The following DENND1A variants were observed in gnomAD, a reference collection of about 807,000 sequenced individuals.
DENND1A encodes DENN domain containing 1A, also known as DENN domain-containing protein 1A.
In DENND1A, 51 loss-of-function variants were observed where a neutral mutation model predicts 113.7. That is an observed-to-expected ratio of 0.45 (90% CI 0.36 to 0.57). The LOEUF is 0.57. DENND1A is among the 20% of genes least tolerant of loss of function. DENND1A has a pLI of 0.00. For missense variants in DENND1A, 1,258 were observed against 1,395.9 expected, an observed-to-expected ratio of 0.90 and a Z score of 1.57; for synonymous variants, 565 against 570.8, an observed-to-expected ratio of 0.99 and a Z score of 0.14.
At chr9:123,821,005 A>G (rs778589635) in intron 2 of DENND1A, among the ~76,000 whole-genome samples, 4 of 152,232 alleles carry the variant, frequency 2.6e-5, no homozygotes, top group Non-Finnish European at 4.4e-5. Context: ...ATTTTAGAAC[A>G]GTTTGAATAG....
chr9:123,520,059 C>T (rs2054262292), intron 13 of DENND1A, among the ~76,000 whole-genome samples: 1 of 143,844 alleles, frequency 7.0e-6, no homozygotes, highest in Non-Finnish European at 1.5e-5. Context: ...ACATGGGAGG[C>T]AGAGGCAGGA....
chr9:123,465,064 C>T (rs1334423400), intron 13 of DENND1A, among the ~76,000 whole-genome samples: 2 of 149,982 alleles, frequency 1.3e-5, no homozygotes, highest in Non-Finnish European at 3.0e-5. Context: ...AGCTACTCAG[C>T]CAGCTACTCG....
intron 2 of DENND1A, among the ~76,000 whole-genome samples, chr9:123,805,351 A>T (rs553208835): frequency 1.3e-5 from 2 of 152,216 alleles, no homozygotes; most frequent in East Asian, 3.9e-4. Flanking sequence ...ACATAATGAG[A>T]TATCTTGAGG....
At chr9:123,665,142 A>G (rs910265444) in intron 8 of DENND1A, among the ~76,000 whole-genome samples, 14 of 152,218 alleles carry the variant, frequency 9.2e-5, no homozygotes, top group African/African-American at 3.4e-4. Flanking sequence ...CTCAAAGTAT[A>G]GCATGTTATG....
intron 11 of DENND1A, among the ~76,000 whole-genome samples, chr9:123,595,951 T>C (rs757773112): frequency 4.6e-5 from 7 of 152,208 alleles, no homozygotes; most frequent in Non-Finnish European, 1.0e-4. Flanking sequence ...ACTCTGACTC[T>C]GCTGGTGTTT....
At chr9:123,778,337 TACAG>T (rs1564251824) in intron 3 of DENND1A, among the ~76,000 whole-genome samples, 15 of 152,350 alleles carry the variant, frequency 9.8e-5, no homozygotes, top group Non-Finnish European at 2.2e-4. Context: ...TGAAACATCA[TACAG>T]TACAGAAGTT....
chr9:123,726,368 G>C (rs2067706579), intron 5 of DENND1A, among the ~76,000 whole-genome samples: 1 of 152,172 alleles, frequency 6.6e-6, no homozygotes, highest in Admixed American at 6.5e-5. Flanking sequence ...TTGAATCCAA[G>C]CCTGACTATG....
At chr9:123,594,212 A>T (rs1276102635) in intron 11 of DENND1A, among the ~76,000 whole-genome samples, 1 of 152,236 alleles carries the variant, frequency 6.6e-6, no homozygotes, top group African/African-American at 2.4e-5. Context: ...CCAATGTTAC[A>T]GAGGCCTGTG....
At chr9:123,794,453 T>C (rs187981098) in intron 2 of DENND1A, among the ~76,000 whole-genome samples, 19 of 152,340 alleles carry the variant, frequency 1.2e-4, no homozygotes, top group Admixed American at 1.2e-3. Context: ...ATTCTTTTTC[T>C]TCCAATTGAC....
chr9:123,555,915 T>A (rs549481888), intron 13 of DENND1A, among the ~76,000 whole-genome samples: 44 of 152,288 alleles, frequency 2.9e-4, no homozygotes, highest in Middle Eastern at 3.4e-3. Flanking sequence ...ATACTTCAAG[T>A]CTGTCCATTC....
chr9:123,893,687 C>G lies in DENND1A; in HGVS notation c.18-14666G>C, dbSNP rs573027363. On this transcript the variant is annotated intron_variant, in intron 1 of 23. Coordinates refer to ENST00000394215, the MANE Select transcript of DENND1A (RefSeq NM_001352964.2). The stretch of plus-strand genomic sequence containing the variant: ...TGTGAGGGAGGGAGGATCTACAGCA[C>G]TTTACAAAAGTAAGAATCTTCTAGA... 8.5e-5 allele frequency among the ~76,000 whole-genome samples: 13 copies of G among 152,334 alleles called. No homozygotes were observed. In the East Asian group the frequency reaches 2.3e-3, roughly 27 times the overall value.
At chr9:123,403,241 A>G (rs891221107) in intron 21 of DENND1A, among the ~76,000 whole-genome samples, 161 bp downstream of exon 21, 1 of 152,336 alleles carries the variant, frequency 6.6e-6, no homozygotes, top group Non-Finnish European at 1.5e-5. Flanking sequence ...AGACCGAGTA[A>G]AAGATCAAGT....
chr9:123,469,985 A>G (rs939920572), intron 13 of DENND1A, among the ~76,000 whole-genome samples: 5 of 152,194 alleles, frequency 3.3e-5, no homozygotes, highest in Admixed American at 6.5e-5. Context: ...ATTGTATTTG[A>G]CATATCAATG....
intron 9 of DENND1A, among the ~76,000 whole-genome samples, chr9:123,631,205 G>C (rs114455074): frequency 0.014 from 2,060 of 152,188 alleles, 36 homozygotes; most frequent in African/African-American, 0.046. Flanking sequence ...CATACACCAC[G>C]ATTCTGGCCT....
intron 5 of DENND1A, among the ~76,000 whole-genome samples, chr9:123,682,222 T>C (rs1363211264): frequency 1.3e-5 from 2 of 152,144 alleles, no homozygotes; most frequent in African/African-American, 4.8e-5. Context: ...AAAAGAGAAA[T>C]AAAAATAAAA....
At chr9:123,536,884 G>T (rs1307645118) in intron 13 of DENND1A, among the ~76,000 whole-genome samples, 1 of 152,190 alleles carries the variant, frequency 6.6e-6, no homozygotes, top group East Asian at 1.9e-4. Context: ...TTAACTCAGT[G>T]AAGTTAGAAA....
intron 14 of DENND1A, 28 bp from the exon 15 acceptor site, chr9:123,457,463 C>G: frequency 1.9e-6 from 3 of 1,556,586 alleles, no homozygotes; most frequent in Non-Finnish European, 1.8e-6. Context: ...AAAAGCACAA[C>G]AGCTCGTACA....
At position 123,540,307 on chromosome 9, in the gene DENND1A, C is replaced by G. The variant is rs142840398; in HGVS notation, c.993+17263G>C. 4.6e-3 allele frequency among the ~76,000 whole-genome samples: 700 copies of G among 152,278 alleles called. 6 individuals are homozygous for G. The highest frequency in any genetic ancestry group is 7.1e-3 in the Non-Finnish European group (484 of 68,026). On this transcript the variant is annotated intron_variant, in intron 13 of 23. Coordinates refer to ENST00000394215, the MANE Select transcript of DENND1A (RefSeq NM_001352964.2). Reference sequence around the variant, plus strand: ...CATTTTACAGATGACAAAACTGAAGCTAAGGAGTTAAGTAGCATGCCCAAA... The same window carrying G: ...CATTTTACAGATGACAAAACTGAAGGTAAGGAGTTAAGTAGCATGCCCAAA...
Position 123,381,831 on chromosome 9 carries a change from G to T in DENND1A, c.2814C>A (p.Phe938Leu). The T allele has an allele frequency of 6.6e-7, 1 of 1,504,914 alleles. No individual in the cohort carries two copies. Among genetic ancestry groups the T allele is most frequent in the Non-Finnish European group, 8.9e-7 (1 of 1,127,686 alleles). The allele number at this position is 1,504,914 out of a possible 1,614,324, so 93.2% of individuals were successfully genotyped here. The change falls in exon 24 of 24, where the codon TTC becomes TTA. Residue 938 changes from phenylalanine (F) to leucine (L), a missense_variant. Around this residue, in one of 2 missense-constraint regions of DENND1A, gnomAD observed 1,159 missense variants for 1,231.7 expected, o/e 0.94. Transcript: ENST00000394215. This position sits in a 1 kb window ranked among gnomAD's most constrained non-coding sequence, Gnocchi z 4.7. ...TGGGCTGAGACCTGTGAGGGGCACA[G>T]AAGCCAGCACTGGACAGCAGGAGGC... Reference protein sequence around the residue: ...ASGLLLSSAGFCAPHRSQPNL... With the variant: ...ASGLLLSSAGLCAPHRSQPNL...
Sources: allele counts gnomAD v4.1 joint callset (sites outside exome capture counted in the v4.1 genomes callset), GRCh38; gene constraint gnomAD v4.1.1; regional missense constraint gnomAD v4.1.1; non-coding constraint Gnocchi (gnomAD v3.1); transcripts MANE v1.5; gene names NCBI Gene and HGNC (gene_info 2026-07-23, HGNC 2026-07-21).